CPZ: variants seen among roughly 807,000 people sequenced by gnomAD.
The protein encoded by CPZ is carboxypeptidase Z.
In CPZ, 103 loss-of-function variants were observed where a neutral mutation model predicts 61.8. That is an observed-to-expected ratio of 1.67 (90% CI 1.42 to 1.96). The LOEUF (loss-of-function observed/expected upper bound fraction) is 1.96, where lower values mean the gene tolerates loss of function less well. CPZ is among the 30% of genes most tolerant of loss of function. CPZ has a pLI of 0.00. For synonymous variants in CPZ, 551 were observed against 373.7 expected, an observed-to-expected ratio of 1.47 and a Z score of -5.47; for missense variants, 1,461 against 914.9, an observed-to-expected ratio of 1.60 and a Z score of -7.70.
intron 8 of CPZ, among the ~76,000 whole-genome samples, chr4:8,614,069 T>A (rs1208263883): frequency 6.6e-6 from 1 of 152,222 alleles, no homozygotes; most frequent in African/African-American, 2.4e-5. Flanking sequence ...CTCTTCCCAT[T>A]GCGGGACCCT....
chr4:8,611,750 C>T (rs894790709), intron 7 of CPZ, among the ~76,000 whole-genome samples: 5 of 152,098 alleles, frequency 3.3e-5, no homozygotes, highest in Admixed American at 6.5e-5. Context: ...CCACACTACC[C>T]GGCCAGGTGT....
intron 1 of CPZ, among the ~76,000 whole-genome samples, chr4:8,596,237 A>G (rs899564767): frequency 6.6e-6 from 1 of 152,092 alleles, no homozygotes; most frequent in East Asian, 1.9e-4. Flanking sequence ...TTTTTAGTAG[A>G]GACGGGGTTT....
chr4:8,598,632 G>A (rs1488160227), intron 1 of CPZ, among the ~76,000 whole-genome samples: 2 of 152,232 alleles, frequency 1.3e-5, no homozygotes, highest in Admixed American at 6.5e-5. Flanking sequence ...GCATGGGCCC[G>A]TCCCAGCACT....
At position 8,618,412 on chromosome 4, in the gene CPZ, C is replaced by G. The variant is rs754317984; in HGVS notation, c.1504-17C>G. On this transcript the variant is annotated splice_polypyrimidine_tract_variant and intron_variant, in intron 9 of 10. Coordinates refer to ENST00000360986, the MANE Select transcript of CPZ (RefSeq NM_001014447.3). ...AGAGCTCACGCCATCTCCCTGGCCT[C>G]CCCTTGGTCTCTTCAGGTGCACCGG... 6.2e-7 allele frequency: 1 copy of G among 1,613,668 alleles called. No homozygotes were observed.
intron 7 of CPZ, among the ~76,000 whole-genome samples, chr4:8,608,494 A>G (rs937688735): frequency 3.3e-5 from 5 of 152,042 alleles, no homozygotes; most frequent in African/African-American, 1.2e-4. Context: ...GCCCTGCCTC[A>G]CCTGGGCCCC....
chr4:8,608,951 C>T (rs894945603), intron 7 of CPZ, among the ~76,000 whole-genome samples: 11 of 151,330 alleles, frequency 7.3e-5, no homozygotes, highest in East Asian at 1.9e-4. Flanking sequence ...CCTGGGCCAC[C>T]GGCGCATTTG....
Position 8,609,227 on chromosome 4 carries a change from C to CTTAT in CPZ, c.1227+1803_1227+1804insTATT. ...ACTCACTTACTCATTCACTTACTCA[C>CTTAT]TCATTGTCACTCATTCACTCATCAC... On this transcript the variant is annotated intron_variant, in intron 7 of 10. Transcript: ENST00000360986. Among the ~76,000 whole-genome samples, 2 of 150,484 alleles carry CTTAT rather than the reference C, an allele frequency of 1.3e-5. 1 individual carries two copies. Among genetic ancestry groups the CTTAT allele is most frequent in the African/African-American group, 4.9e-5 (2 of 40,918 alleles).
At chr4:8,593,700 C>T (rs1053608656) in intron 1 of CPZ, among the ~76,000 whole-genome samples, 2 of 152,140 alleles carry the variant, frequency 1.3e-5, no homozygotes, top group Admixed American at 1.3e-4. Context: ...GGTTCTGAAT[C>T]GCTTGTTCTC....
chr4:8,602,201 G>A (rs917484000), intron 3 of CPZ: 1 of 152,422 alleles, frequency 6.6e-6, no homozygotes, highest in African/African-American at 2.4e-5. Context: ...CTTGGCAGCG[G>A]GGCTGGTTGG....
intron 4 of CPZ, among the ~76,000 whole-genome samples, chr4:8,604,852 G>A (rs1714815093): frequency 6.6e-6 from 1 of 152,236 alleles, no homozygotes; most frequent in Non-Finnish European, 1.5e-5. Flanking sequence ...GGCCTTTTCA[G>A]TGCTGGCAGC....
intron 1 of CPZ, among the ~76,000 whole-genome samples, chr4:8,594,151 A>C (rs1714001179): frequency 6.6e-6 from 1 of 152,186 alleles, no homozygotes. Flanking sequence ...GCAGGTGCTG[A>C]GCACAGCCGT....
At chr4:8,608,860 G>A (rs150236083) in intron 7 of CPZ, among the ~76,000 whole-genome samples, 2 of 152,314 alleles carry the variant, frequency 1.3e-5, no homozygotes, top group East Asian at 3.9e-4. Context: ...GGGTGCAGGG[G>A]CCCATGCCGA....
intron 7 of CPZ, among the ~76,000 whole-genome samples, chr4:8,609,072 C>CTCCCT (rs113012911): frequency 0.013 from 1,474 of 110,486 alleles, 42 homozygotes; most frequent in African/African-American, 0.047. Flanking sequence ...CCCTCACTCA[C>CTCCCT]CACTCATACA....
At chr4:8,599,325 A>T in intron 1 of CPZ, 128 bp from the exon 2 acceptor site, 1 of 1,131,714 alleles carries the variant, frequency 8.8e-7, no homozygotes, top group Non-Finnish European at 1.2e-6. Flanking sequence ...TGAAGACTCC[A>T]TGAGATGGAG....
At position 8,606,175 on chromosome 4, in the gene CPZ, C is replaced by T. The variant is rs375327541; in HGVS notation, c.896C>T (p.Ala299Val). Residue 299 changes from alanine (A) to valine (V), a missense_variant, in exon 5 of 11, where the codon GCA becomes GTA. By Grantham distance (64) the Ala-to-Val change is moderately conservative (BLOSUM62 0). Transcript: ENST00000360986. ...PSMNPDGYEV[A>V]AAEGAGYNGW... The stretch of plus-strand genomic sequence containing the variant: ...ATGAACCCTGACGGCTATGAGGTGG[C>T]AGCTGCCGAGGTGAGCGCCCAGATG... 6.1e-5 allele frequency: 98 copies of T among 1,613,522 alleles called. No homozygotes were observed. Among genetic ancestry groups the T allele is most frequent in the Non-Finnish European group, 8.1e-5 (95 of 1,179,836 alleles).
Position 8,619,336 on chromosome 4 carries a change from A to AT in CPZ, c.1678_1679insT (p.Lys560IlefsTer72). ...CATTGCCCAAGCCCCTGGCTACGCCAAAGTCATCAAGAAAGTCATCATCCC... is the reference window on the plus strand; with the variant it reads ...CATTGCCCAAGCCCCTGGCTACGCCATAAGTCATCAAGAAAGTCATCATCCC... On this transcript the variant is annotated frameshift_variant, in exon 11 of 11. Transcript: ENST00000360986. LOFTEE classifies it low-confidence loss of function (END_TRUNC). 14 of 1,614,112 alleles carry AT rather than the reference A, an allele frequency of 8.7e-6. No individual in the cohort carries two copies. The highest frequency in any genetic ancestry group is 1.2e-5 in the Non-Finnish European group (14 of 1,180,002).
intron 1 of CPZ, among the ~76,000 whole-genome samples, chr4:8,598,999 C>T (rs1400757585): frequency 3.9e-5 from 6 of 152,318 alleles, no homozygotes; most frequent in East Asian, 3.9e-4. Flanking sequence ...GCAGTGCCTG[C>T]TGGTGAGGGC....
rs1023794499 is a variant in CPZ, at chr4:8,606,807, C to G, written c.977C>G (p.Pro326Arg). The change falls in exon 6 of 11, where the codon CCG (proline) becomes CGG (arginine). Residue 326 changes from proline (P) to arginine (R), a missense_variant. Transcript: ENST00000360986. Reference protein sequence around the residue: ...AQNLDLNRNFPDLTSEYYRLA... With the variant: ...AQNLDLNRNFRDLTSEYYRLA... ...AACCTGGATCTGAACCGAAATTTCC[C>G]GGACCTGACGTCCGAGTACTACCGG... 6.2e-7 allele frequency: 1 copy of G among 1,614,150 alleles called. No individual in the cohort carries two copies. The highest frequency in any genetic ancestry group is 8.5e-7 in the Non-Finnish European group (1 of 1,180,022).
intron 8 of CPZ, among the ~76,000 whole-genome samples, chr4:8,612,824 C>T (rs1715827930): frequency 6.6e-6 from 1 of 152,224 alleles, no homozygotes; most frequent in Admixed American, 6.5e-5. Flanking sequence ...GAGAGAAGGA[C>T]TTGCTGGAGG....
Sources: gnomAD v4.1 joint callset for allele counts (sites outside exome capture counted in the v4.1 genomes callset) on GRCh38, gnomAD v4.1.1 for gene constraint, MANE v1.5 for transcripts, NCBI Gene and HGNC (gene_info 2026-07-23, HGNC 2026-07-21) for gene names.